CTPS2: variants seen among roughly 807,000 people sequenced by gnomAD.
CTPS2 encodes the protein CTP synthase 2, also known as CTP synthase II.
Under a neutral mutation model 46.8 loss-of-function variants are expected in CTPS2, and 19 were observed. The ratio of observed to expected loss-of-function variants is 0.41; its 90% CI spans 0.28 to 0.60. The LOEUF is 0.60. Among genes scored for constraint, CTPS2 ranks in the 20% least tolerant of loss-of-function variants. The pLI is 0.35. For missense variants in CTPS2, 286 were observed against 447.6 expected, an observed-to-expected ratio of 0.64 and a Z score of 3.26; for synonymous variants, 151 against 165.2, an observed-to-expected ratio of 0.91 and a Z score of 0.66.
chrX:16,708,571 G>A (rs1223405347), intron 1 of CTPS2, among the ~76,000 whole-genome samples: 1 of 110,402 alleles, frequency 9.1e-6, no homozygotes, highest in Admixed American at 9.9e-5. Flanking sequence ...CATATATAAT[G>A]TTTATTTGAA....
chrX:16,618,825 C>T (rs1930666841), intron 15 of CTPS2, among the ~76,000 whole-genome samples: 1 of 112,030 alleles, frequency 8.9e-6, no homozygotes, highest in African/African-American at 3.2e-5. Context: ...ATTTTAGATA[C>T]AAGTCCCTTA....
At chrX:16,698,879 A>G (rs1171792108) in intron 3 of CTPS2, 44 bp downstream of exon 3, 12 of 1,133,643 alleles carry the variant, frequency 1.1e-5, no homozygotes, top group Non-Finnish European at 1.3e-5. Context: ...CAGTACAAAG[A>G]TATTCAGCAC....
chrX:16,635,400 C>T (rs190849589), intron 14 of CTPS2, among the ~76,000 whole-genome samples: 17 of 111,903 alleles, frequency 1.5e-4, no homozygotes, highest in East Asian at 2.8e-4. Context: ...CGGCCAGGCA[C>T]GGCGGCTCAT....
At chrX:16,631,177 G>A (rs934033260) in intron 14 of CTPS2, among the ~76,000 whole-genome samples, 3 of 111,026 alleles carry the variant, frequency 2.7e-5, no homozygotes, top group African/African-American at 6.6e-5. Context: ...GGTGAAACCC[G>A]TCTCTACTAA....
chrX:16,687,474 C>CAAA (rs35798035), intron 8 of CTPS2, among the ~76,000 whole-genome samples: 5 of 44,386 alleles, frequency 1.1e-4, no homozygotes, highest in African/African-American at 1.7e-4. Context: ...CACCCTGTGT[C>CAAA]AAAAAAAAAA....
At chrX:16,621,618 A>G (rs1930845157) in intron 14 of CTPS2, among the ~76,000 whole-genome samples, 1 of 110,324 alleles carries the variant, frequency 9.1e-6, no homozygotes, top group Non-Finnish European at 1.9e-5. Flanking sequence ...GTACACAGCC[A>G]AGGGTTAAGA....
chrX:16,622,976 A>G (rs1400266750), intron 14 of CTPS2, among the ~76,000 whole-genome samples: 1 of 112,432 alleles, frequency 8.9e-6, no homozygotes, highest in Non-Finnish European at 1.9e-5. Context: ...GGAAGCACTG[A>G]GAACAGAAAG....
intron 13 of CTPS2, among the ~76,000 whole-genome samples, chrX:16,656,777 C>T (rs938993160): frequency 1.8e-5 from 2 of 112,017 alleles, no homozygotes; most frequent in African/African-American, 6.5e-5. Flanking sequence ...CATAAGCCCT[C>T]TCCAAGATTC....
chrX:16,609,474 G>A, intron 17 of CTPS2, 67 bp downstream of exon 17: 1 of 1,076,930 alleles, frequency 9.3e-7, no homozygotes, highest in Non-Finnish European at 1.3e-6. Context: ...ATTAATTTTT[G>A]TAAGAAACCC....
intron 16 of CTPS2, among the ~76,000 whole-genome samples, chrX:16,611,330 G>C (rs1930247563): frequency 9.1e-6 from 1 of 109,858 alleles, no homozygotes; most frequent in Non-Finnish European, 1.9e-5. Context: ...GTGCACCTGT[G>C]GTTCCAGCTA....
chrX:16,674,855 AATT>A (rs1383942164), intron 10 of CTPS2, among the ~76,000 whole-genome samples: 1 of 110,598 alleles, frequency 9.0e-6, no homozygotes, highest in Non-Finnish European at 1.9e-5. Flanking sequence ...AAAAAAAAGA[AATT>A]ATGCGTGTGG....
At chrX:16,696,457 C>A (rs1167827848) in intron 4 of CTPS2, among the ~76,000 whole-genome samples, 1 of 112,205 alleles carries the variant, frequency 8.9e-6, no homozygotes, top group Middle Eastern at 4.6e-3. Flanking sequence ...AACCTCACAT[C>A]CTTAGCAGCT....
intron 13 of CTPS2, among the ~76,000 whole-genome samples, chrX:16,655,273 C>T (rs1167491859): frequency 7.1e-5 from 8 of 112,030 alleles, no homozygotes; most frequent in African/African-American, 9.7e-5. Flanking sequence ...CGGGTGGCCT[C>T]GGGTCTACCA....
rs1186539479 is a variant in CTPS2 at position 16,712,601 on chromosome X, A to G, written c.-306T>C. ...TGCACCCGGGTTTGTGCAATGGTCC[A>G]AAACAAGCGCCTAAAAAGTGATTCC... On this transcript the variant is annotated 5_prime_UTR_variant, in exon 1 of 19. Coordinates refer to ENST00000359276, the MANE Select transcript of CTPS2 (RefSeq NM_175859.3). 3 of 113,064 alleles carry G rather than the reference A, an allele frequency of 2.7e-5. No homozygotes were observed. The highest frequency in any genetic ancestry group is 3.7e-5 in the Non-Finnish European group (2 of 53,358). 9.3% of individuals were successfully genotyped at this position (113,064 alleles called of 1,213,427 possible).
At chrX:16,592,229 A>G (rs1928941255) in intron 17 of CTPS2, among the ~76,000 whole-genome samples, 1 of 111,176 alleles carries the variant, frequency 9.0e-6, no homozygotes, top group South Asian at 3.8e-4. Context: ...GGCACCTGCT[A>G]TAACAGGGAT....
chrX:16,667,849 C>T (rs1891780126), intron 11 of CTPS2, 125 bp from the exon 12 acceptor site: 1 of 592,367 alleles, frequency 1.7e-6, no homozygotes. Context: ...CAAGACTCTG[C>T]CTGTTTTGCT....
At chrX:16,648,074 A>G (rs1036330780) in intron 13 of CTPS2, among the ~76,000 whole-genome samples, 1 of 111,725 alleles carries the variant, frequency 9.0e-6, no homozygotes, top group African/African-American at 3.3e-5. Context: ...CTGCACTCCA[A>G]CCTGAGTGAC....
chrX:16,663,528 C>T (rs1295806894), intron 13 of CTPS2, among the ~76,000 whole-genome samples: 3 of 111,241 alleles, frequency 2.7e-5, no homozygotes. Flanking sequence ...ACACACAAAT[C>T]TCTGAAATAA....
At chrX:16,630,633 C>T (rs1473152193) in intron 14 of CTPS2, among the ~76,000 whole-genome samples, 3 of 110,888 alleles carry the variant, frequency 2.7e-5, no homozygotes, top group African/African-American at 9.9e-5. Context: ...GCTCAAGGCC[C>T]ACCTCTTCCC....
Sources: allele counts gnomAD v4.1 joint callset (sites outside exome capture counted in the v4.1 genomes callset), GRCh38; gene constraint gnomAD v4.1.1; transcripts MANE v1.5; gene names NCBI Gene and HGNC (gene_info 2026-07-23, HGNC 2026-07-21).